Variants in ZPBP observed in about 807,000 individuals in gnomAD.
ZPBP encodes zona pellucida-binding protein 1.
A neutral mutation model predicts 44.8 loss-of-function variants in ZPBP; 26 were observed. The observed-to-expected ratio is 0.58, with a 90% CI of 0.43 to 0.81. The LOEUF (loss-of-function observed/expected upper bound fraction) is 0.81. Among genes scored for constraint, ZPBP ranks in the 30% least tolerant of loss-of-function variants. ZPBP has a pLI of 0.00. For missense variants in ZPBP, 409 were observed against 434.0 expected (o/e 0.94, Z 0.51); for synonymous variants, 174 against 153.2 (o/e 1.14, Z -1.00).
At chr7:50,016,231 T>TA (rs781373775) in intron 6 of ZPBP, among the ~76,000 whole-genome samples, 1 of 152,090 alleles carries the variant, frequency 6.6e-6, no homozygotes, top group Non-Finnish European at 1.5e-5. Context: ...TATGCAGCCA[T>TA]AAAAAAGAAC....
intron 7 of ZPBP, among the ~76,000 whole-genome samples, chr7:49,955,399 A>C (rs1795540576): frequency 6.6e-6 from 1 of 152,094 alleles, no homozygotes; most frequent in South Asian, 2.1e-4. Flanking sequence ...TCTACTAAAA[A>C]AACAAAAATT....
chr7:50,065,762 T>G (rs1287548935), intron 3 of ZPBP, among the ~76,000 whole-genome samples: 1 of 150,974 alleles, frequency 6.6e-6, no homozygotes, highest in East Asian at 1.9e-4. Flanking sequence ...AGGCACTGAC[T>G]GATTAAAATG....
intron 2 of ZPBP, among the ~76,000 whole-genome samples, chr7:49,877,730 G>A (rs1791500915): frequency 6.7e-6 from 1 of 149,776 alleles, no homozygotes; most frequent in Admixed American, 6.7e-5. Flanking sequence ...ACACTCTGGA[G>A]AGCCACTCAC....
intron 1 of ZPBP, among the ~76,000 whole-genome samples, chr7:49,911,757 T>C (rs1404399979): frequency 1.3e-5 from 2 of 151,524 alleles, no homozygotes; most frequent in Non-Finnish European, 2.9e-5. Flanking sequence ...ACTAGCTGGG[T>C]ATAGTGGCAT....
At chr7:49,865,811 C>A (rs1790860801) in intron 2 of ZPBP, among the ~76,000 whole-genome samples, 1 of 152,192 alleles carries the variant, frequency 6.6e-6, no homozygotes, top group African/African-American at 2.4e-5. Context: ...CTTATCCCAG[C>A]ACCCAGAATG....
Position 50,093,241 on chromosome 7 carries a change from G to A in ZPBP, c.-47C>T, listed in dbSNP as rs1469793645. On this transcript the variant is annotated 5_prime_UTR_variant, in exon 1 of 8. Transcript: ENST00000046087. ...CCACCGTCCGCGCGGAAGGTCGTTA[G>A]GCAACGCGCGCCCACCTGCAGCCGG... 12 of 1,472,040 alleles carry A rather than the reference G, an allele frequency of 8.2e-6. No homozygotes were observed. The Admixed American group carries it at 1.2e-4, about 15-fold the overall frequency. 91.2% of individuals were successfully genotyped at this position (1,472,040 alleles called of 1,614,324 possible). A position where few individuals can be genotyped will look rare whatever the true frequency, so the allele number is the denominator to read the frequency against.
intron 7 of ZPBP, among the ~76,000 whole-genome samples, chr7:49,954,613 A>G (rs1016918345): frequency 6.6e-6 from 1 of 152,184 alleles, no homozygotes; most frequent in Non-Finnish European, 1.5e-5. Flanking sequence ...ATAGGCTTCA[A>G]TGTAAGAAAT....
chr7:50,080,101 T>C (rs1802286446), intron 3 of ZPBP, among the ~76,000 whole-genome samples: 1 of 151,656 alleles, frequency 6.6e-6, no homozygotes. Context: ...GAAACTATCT[T>C]TGAGATATCC....
In ZPBP at chr7:49,982,240, ATTATATTATATAT is replaced by A. The variant is rs1281179371; in HGVS notation, c.961+1089_961+1101del. On this transcript the variant is annotated intron_variant, in intron 7 of 7. Transcript: ENST00000046087. ...AATGTAATATATAATATATAATATA[ATTATATTATATAT>A]TTATATTATATATTATATATAATTT... is the stretch of plus-strand genomic sequence containing the variant. Among the ~76,000 whole-genome samples, 4 of 105,364 alleles carry A rather than the reference ATTATATTATATAT, an allele frequency of 3.8e-5. No individual in the cohort carries two copies. In the East Asian group the frequency reaches 7.0e-4, roughly 18 times the overall value. The allele number at this position is 105,364 out of a possible 152,430, so 69.1% of individuals were successfully genotyped here.
chr7:49,880,023 G>C (rs1444493064), intron 2 of ZPBP, among the ~76,000 whole-genome samples: 1 of 152,100 alleles, frequency 6.6e-6, no homozygotes, highest in Non-Finnish European at 1.5e-5. Context: ...TGACCAGAGG[G>C]AGCATCATTT....
intron 1 of ZPBP, chr7:49,916,117 T>A (rs1029581228): frequency 6.6e-6 from 1 of 152,234 alleles, no homozygotes; most frequent in African/African-American, 2.4e-5. Flanking sequence ...CCTACTTATG[T>A]CATATCCTCA....
rs181155295 is a variant in ZPBP at position 50,016,315 on chromosome 7, A to G, written c.783+1925T>C. 2.0e-5 allele frequency among the ~76,000 whole-genome samples: 3 copies of G among 152,306 alleles called. No homozygotes were observed. In the East Asian group the frequency reaches 5.8e-4, roughly 29 times the overall value. On this transcript the variant is annotated intron_variant, in intron 6 of 7. Transcript: ENST00000046087. ...CTCAACAAATTAATGCAGAAACAGA[A>G]AGCCAAATACCACATGTTGTCACTT...
intron 5 of ZPBP, among the ~76,000 whole-genome samples, chr7:50,030,078 C>T (rs1171551711): frequency 6.6e-6 from 1 of 152,144 alleles, no homozygotes; most frequent in African/African-American, 2.4e-5. Context: ...TGGTCCCAAA[C>T]TCCTGACCTC....
intron 2 of ZPBP, among the ~76,000 whole-genome samples, chr7:49,896,479 A>G (rs1792388662): frequency 6.6e-6 from 1 of 152,200 alleles, no homozygotes; most frequent in Non-Finnish European, 1.5e-5. Flanking sequence ...CTACTTGAAG[A>G]AACTTGAAAA....
At chr7:49,988,422 G>T (rs1245250496) in intron 6 of ZPBP, among the ~76,000 whole-genome samples, 1 of 152,048 alleles carries the variant, frequency 6.6e-6, no homozygotes, top group Non-Finnish European at 1.5e-5. Context: ...TTAGGTACAT[G>T]GGATTGCCAA....
At chr7:50,055,837 T>G (rs1800913945) in intron 4 of ZPBP, among the ~76,000 whole-genome samples, 1 of 152,180 alleles carries the variant, frequency 6.6e-6, no homozygotes, top group South Asian at 2.1e-4. Flanking sequence ...TGTTAGCATA[T>G]GTGAATATGT....
At chr7:49,980,825 A>C (rs1233878498) in intron 7 of ZPBP, among the ~76,000 whole-genome samples, 2 of 152,100 alleles carry the variant, frequency 1.3e-5, no homozygotes, top group Non-Finnish European at 2.9e-5. Context: ...GGGAACAAAC[A>C]AACCATAGCC....
chr7:49,887,727 T>A (rs1383772610), intron 2 of ZPBP, among the ~76,000 whole-genome samples: 1 of 151,312 alleles, frequency 6.6e-6, no homozygotes, highest in Non-Finnish European at 1.5e-5. Flanking sequence ...AGTGTCTCCA[T>A]TTGTTGAATT....
chr7:49,924,566 A>G (rs542823304), intron 1 of ZPBP, among the ~76,000 whole-genome samples: 17 of 152,296 alleles, frequency 1.1e-4, no homozygotes, highest in African/African-American at 3.6e-4. Flanking sequence ...GAGGTGGTAC[A>G]CACCTGTGGT....
Sources: allele counts gnomAD v4.1 joint callset (sites outside exome capture counted in the v4.1 genomes callset), GRCh38; gene constraint gnomAD v4.1.1; transcripts MANE v1.5; gene names NCBI Gene and HGNC (gene_info 2026-07-23, HGNC 2026-07-21).